Variants in MINDY3 observed in about 807,000 individuals in gnomAD.
The protein encoded by MINDY3 is ubiquitin carboxyl-terminal hydrolase MINDY-3.
Under a neutral mutation model 69.2 loss-of-function variants are expected in MINDY3, and 38 were observed. The ratio of observed to expected loss-of-function variants is 0.55; its 90% CI spans 0.42 to 0.72. The LOEUF (loss-of-function observed/expected upper bound fraction) is 0.72, where lower values mean the gene tolerates loss of function less well. Among genes scored for constraint, MINDY3 ranks in the 30% least tolerant of loss-of-function variants. The probability of loss-of-function intolerance (pLI) is 0.00; values close to 1 mark genes in which losing one functional copy is unlikely to be tolerated. For missense variants in MINDY3, 522 were observed against 519.0 expected (o/e 1.01, Z -0.06); for synonymous variants, 192 against 180.1 (o/e 1.07, Z -0.53).
chr10:15,816,674 G>T (rs1404251117), intron 10 of MINDY3, among the ~76,000 whole-genome samples, 161 bp downstream of exon 10: 1 of 152,086 alleles, frequency 6.6e-6, no homozygotes, highest in African/African-American at 2.4e-5. Flanking sequence ...TTTAGAGCAC[G>T]AAAACAGTAT....
chr10:15,848,707 T>C (rs1834052261), intron 1 of MINDY3, among the ~76,000 whole-genome samples: 1 of 150,878 alleles, frequency 6.6e-6, no homozygotes, highest in African/African-American at 2.5e-5. Flanking sequence ...TGTGTTTATA[T>C]TGGCTTTACC....
chr10:15,853,922 G>GT (rs1834498784), intron 1 of MINDY3, among the ~76,000 whole-genome samples: 5 of 152,058 alleles, frequency 3.3e-5, no homozygotes, highest in Admixed American at 3.3e-4. Context: ...CCACTACTGT[G>GT]ACTCTGACAG....
rs770085438 is a variant in MINDY3 at position 15,841,428 on chromosome 10, G to C, written c.407C>G (p.Ser136Cys). ...PAESSCQVEH[S>C]SALAVEELGF... ...CAGGAAATAAAAATATATCTTACAA[G>C]AATGTTCCACTTGGCAACTAGACTC... Residue 136 changes from serine (S) to cysteine (C), a missense_variant and splice_region_variant, in exon 4 of 15, where the codon TCT becomes TGT. Transcript: ENST00000277632. 4 of 1,604,740 alleles carry C rather than the reference G, an allele frequency of 2.5e-6. No individual in the cohort carries two copies. Among genetic ancestry groups the C allele is most frequent in the African/African-American group, 2.7e-5 (2 of 74,472 alleles).
chr10:15,822,971 T>C (rs1024569631), intron 8 of MINDY3, among the ~76,000 whole-genome samples: 1 of 152,214 alleles, frequency 6.6e-6, no homozygotes, highest in Non-Finnish European at 1.5e-5. Context: ...GTAAACATAA[T>C]GCATATATAA....
At chr10:15,835,771 C>A (rs1031307884) in intron 6 of MINDY3, among the ~76,000 whole-genome samples, 1 of 152,082 alleles carries the variant, frequency 6.6e-6, no homozygotes, top group Admixed American at 6.6e-5. Context: ...ACTTTGGGTT[C>A]TCTTATTTAT....
At chr10:15,840,731 C>G (rs1179165354) in intron 4 of MINDY3, among the ~76,000 whole-genome samples, 2 of 151,546 alleles carry the variant, frequency 1.3e-5, no homozygotes, top group Non-Finnish European at 3.0e-5. Flanking sequence ...ATCAGAAAAG[C>G]AACTCTTAAC....
At chr10:15,828,756 C>CA (rs1364356071) in intron 8 of MINDY3, among the ~76,000 whole-genome samples, 1 of 151,874 alleles carries the variant, frequency 6.6e-6, no homozygotes, top group Non-Finnish European at 1.5e-5. Flanking sequence ...AAACTCAAGG[C>CA]AAAAAACAGA....
At chr10:15,818,489 G>A (rs1839529615) in intron 9 of MINDY3, among the ~76,000 whole-genome samples, 1 of 152,058 alleles carries the variant, frequency 6.6e-6, no homozygotes, top group Non-Finnish European at 1.5e-5. Context: ...TGTATGACCA[G>A]TAATTTCACT....
At chr10:15,821,558 G>C in intron 9 of MINDY3, 98 bp downstream of exon 9, 1 of 867,050 alleles carries the variant, frequency 1.2e-6, no homozygotes, top group African/African-American at 1.7e-5. Context: ...CTGAACCATA[G>C]TGCTGTGCTC....
rs145776875 is a variant in MINDY3 at position 15,786,718 on chromosome 10, A to C, written c.1029-70T>G. 1.7e-4 allele frequency: 149 copies of C among 893,690 alleles called. No homozygotes were observed. The African/African-American group carries it at 2.1e-3, about 13-fold the overall frequency. 55.4% of individuals were successfully genotyped at this position (893,690 alleles called of 1,614,324 possible). A position where few individuals can be genotyped will look rare whatever the true frequency, so the allele number is the denominator to read the frequency against. The stretch of plus-strand genomic sequence containing the variant: ...AAAAGCTGCTTTTCTTTCATGATTA[A>C]ATTACTGGTACTACAACACATTCGG... On this transcript the variant is annotated intron_variant, in intron 12 of 14. Coordinates refer to ENST00000277632, the MANE Select transcript of MINDY3 (RefSeq NM_024948.4).
intron 9 of MINDY3, among the ~76,000 whole-genome samples, chr10:15,818,903 T>C (rs556627822): frequency 2.3e-4 from 35 of 152,256 alleles, no homozygotes; most frequent in African/African-American, 7.0e-4. Flanking sequence ...TGGAATTAGA[T>C]TGGGGTAATG....
At chr10:15,779,293 G>C in intron 14 of MINDY3, 152 bp from the exon 15 acceptor site, 2 of 563,716 alleles carry the variant, frequency 3.5e-6, no homozygotes, top group Non-Finnish European at 5.7e-6. Context: ...AAATGAGAAG[G>C]AATATCTGCT....
intron 4 of MINDY3, among the ~76,000 whole-genome samples, chr10:15,838,772 C>A (rs955045273): frequency 2.0e-5 from 3 of 151,678 alleles, no homozygotes; most frequent in African/African-American, 4.8e-5. Flanking sequence ...TTTGTTTCCT[C>A]ATTTATTTGT....
chr10:15,791,208 G>C (rs1292498209), intron 11 of MINDY3, among the ~76,000 whole-genome samples: 1 of 152,056 alleles, frequency 6.6e-6, no homozygotes, highest in Non-Finnish European at 1.5e-5. Context: ...GATTAGAAGA[G>C]ATTTCAAAAT....
chr10:15,802,285 AC>A (rs1838320275), intron 10 of MINDY3, among the ~76,000 whole-genome samples: 1 of 152,044 alleles, frequency 6.6e-6, no homozygotes. Context: ...TAAAGATACT[AC>A]CTGAGGTGGG....
intron 11 of MINDY3, among the ~76,000 whole-genome samples, chr10:15,790,805 C>A (rs1272203003): frequency 6.6e-6 from 1 of 152,118 alleles, no homozygotes; most frequent in Non-Finnish European, 1.5e-5. Context: ...CATATTGGCA[C>A]TCAAAATTTT....
At chr10:15,809,959 A>G (rs1184127406) in intron 10 of MINDY3, among the ~76,000 whole-genome samples, 6 of 152,194 alleles carry the variant, frequency 3.9e-5, no homozygotes, top group African/African-American at 1.4e-4. Flanking sequence ...CATGAAAGAA[A>G]TGTTATAAAT....
intron 10 of MINDY3, among the ~76,000 whole-genome samples, chr10:15,816,280 AT>A (rs1208031540): frequency 0.1 from 14,085 of 139,266 alleles, 1,931 homozygotes; most frequent in African/African-American, 0.29. Context: ...AAAAAAAAAA[AT>A]GAAAAAGAAA....
intron 8 of MINDY3, among the ~76,000 whole-genome samples, chr10:15,824,454 A>G (rs1839961080): frequency 6.6e-6 from 1 of 152,186 alleles, no homozygotes; most frequent in Admixed American, 6.5e-5. Context: ...CATGAAAAAC[A>G]TTGATTATTT....
Sources: allele counts gnomAD v4.1 joint callset (sites outside exome capture counted in the v4.1 genomes callset), GRCh38; gene constraint gnomAD v4.1.1; transcripts MANE v1.5; gene names NCBI Gene and HGNC (gene_info 2026-07-23, HGNC 2026-07-21).